The following NAV3 variants were observed in gnomAD, a reference collection of about 807,000 sequenced individuals.
The protein encoded by NAV3 is pore membrane and/or filament interacting like protein 1.
Under a neutral mutation model 244.7 loss-of-function variants are expected in NAV3, and 87 were observed. The observed-to-expected ratio is 0.36, with a 90% CI of 0.30 to 0.42. The LOEUF is 0.42. Ranked by LOEUF, NAV3 falls within the 20% of genes least tolerant of loss-of-function variation. The pLI, the probability that NAV3 is intolerant of heterozygous loss-of-function variation, is 1.00. For synonymous variants in NAV3, 1,126 were observed against 1,042.2 expected, an observed-to-expected ratio of 1.08 and a Z score of -1.55; for missense variants, 2,663 against 2,893.3, an observed-to-expected ratio of 0.92 and a Z score of 1.83.
intron 5 of NAV3, among the ~76,000 whole-genome samples, chr12:77,980,611 T>C (rs1001636101): frequency 2.0e-5 from 3 of 152,120 alleles, no homozygotes; most frequent in African/African-American, 7.2e-5. Flanking sequence ...AGTATTCAAG[T>C]TCCAATTTTT....
At chr12:78,019,812 C>T (rs993176474) in intron 8 of NAV3, among the ~76,000 whole-genome samples, 2 of 151,984 alleles carry the variant, frequency 1.3e-5, no homozygotes, top group Admixed American at 6.6e-5. Context: ...TTGTAAGTTC[C>T]GTAAAGTTTT....
chr12:77,819,924 T>C (rs1247562504), intron 2 of NAV3, among the ~76,000 whole-genome samples: 1 of 152,202 alleles, frequency 6.6e-6, no homozygotes, highest in African/African-American at 2.4e-5. Context: ...CTTCTGTTGC[T>C]GTCAGAAATC....
intron 2 of NAV3, among the ~76,000 whole-genome samples, chr12:77,687,327 A>G (rs1287453988): frequency 1.3e-5 from 2 of 150,762 alleles, no homozygotes; most frequent in Non-Finnish European, 3.0e-5. Context: ...TGGACACACT[A>G]TGTGTGCATG....
At chr12:77,876,525 T>C (rs1347148394) in intron 1 of NAV3, among the ~76,000 whole-genome samples, 1 of 152,158 alleles carries the variant, frequency 6.6e-6, no homozygotes, top group Non-Finnish European at 1.5e-5. Flanking sequence ...GCATTTAATT[T>C]AGTTGACAGG....
At chr12:77,780,879 G>C (rs1870630473) in intron 2 of NAV3, among the ~76,000 whole-genome samples, 1 of 152,140 alleles carries the variant, frequency 6.6e-6, no homozygotes, top group Non-Finnish European at 1.5e-5. Flanking sequence ...GAAGGTTTAA[G>C]GCTGTTTTGG....
At chr12:77,719,065 T>C (rs1482607196) in intron 2 of NAV3, among the ~76,000 whole-genome samples, 1 of 152,176 alleles carries the variant, frequency 6.6e-6, no homozygotes, top group African/African-American at 2.4e-5. Context: ...AAGTATTTTA[T>C]TCTTTTTGGT....
chr12:77,671,668 A>G (rs1445867800), intron 2 of NAV3, among the ~76,000 whole-genome samples: 3 of 152,182 alleles, frequency 2.0e-5, no homozygotes, highest in East Asian at 3.9e-4. Flanking sequence ...TGGGGAAAGG[A>G]CACCCTATTC....
chr12:77,661,572 T>C (rs769064960), intron 2 of NAV3, among the ~76,000 whole-genome samples: 41 of 152,136 alleles, frequency 2.7e-4, no homozygotes, highest in Non-Finnish European at 5.1e-4. Context: ...TAACCATTTG[T>C]TTCTTTGATG....
intron 2 of NAV3, among the ~76,000 whole-genome samples, chr12:77,794,926 G>A (rs1871340159): frequency 6.6e-6 from 1 of 152,060 alleles, no homozygotes; most frequent in Non-Finnish European, 1.5e-5. Context: ...CTCTCCCTGG[G>A]CCTTACTATT....
intron 5 of NAV3, among the ~76,000 whole-genome samples, chr12:77,988,532 G>A (rs1870929123): frequency 6.6e-6 from 1 of 152,004 alleles, no homozygotes; most frequent in African/African-American, 2.4e-5. Context: ...AAAATAAAAA[G>A]CAGCCCCTTG....
chr12:77,651,856 A>G (rs1348708184), intron 2 of NAV3, among the ~76,000 whole-genome samples: 1 of 152,172 alleles, frequency 6.6e-6, no homozygotes, highest in Admixed American at 6.5e-5. Flanking sequence ...TGTAGCAACA[A>G]CTGGTGTCCT....
chr12:77,648,828 A>G (rs909800089), intron 2 of NAV3, among the ~76,000 whole-genome samples: 1 of 152,094 alleles, frequency 6.6e-6, no homozygotes, highest in African/African-American at 2.4e-5. Context: ...CAGGGTGCCT[A>G]TTGAGTAAAT....
At chr12:77,888,511 G>A (rs1166601475) in intron 1 of NAV3, among the ~76,000 whole-genome samples, 1 of 152,140 alleles carries the variant, frequency 6.6e-6, no homozygotes, top group Non-Finnish European at 1.5e-5. Flanking sequence ...AATAATTTCT[G>A]CAGTGAGCTT....
In NAV3 at chr12:77,968,648, C is replaced by T. The variant is rs745350770; in HGVS notation, c.617C>T (p.Ala206Val). The T allele has an allele frequency of 6.2e-7, 1 of 1,614,094 alleles. No individual in the cohort carries two copies. The part of the protein sequence containing the change: ...LVELQQRVTH[A>V]SPPSEASQAK... The stretch of plus-strand genomic sequence containing the variant: ...GAACTTCAGCAGCGAGTTACTCACG[C>T]TTCCCCTCCATCGGAAGCCAGCCAG... Residue 206 changes from alanine (A) to valine (V), a missense_variant, in exon 5 of 40, where the codon GCT becomes GTT. Transcript: ENST00000397909.
At chr12:78,149,941 T>C (rs574586395) in intron 22 of NAV3, among the ~76,000 whole-genome samples, 1 of 152,168 alleles carries the variant, frequency 6.6e-6, no homozygotes, top group Non-Finnish European at 1.5e-5. Flanking sequence ...GTATTTGAAT[T>C]GATTTTATTT....
chr12:77,582,318 T>G (rs1869401882), intron 2 of NAV3, among the ~76,000 whole-genome samples: 1 of 152,218 alleles, frequency 6.6e-6, no homozygotes, highest in African/African-American at 2.4e-5. Context: ...TGGCATATAG[T>G]ATACTTTCTT....
intron 12 of NAV3, among the ~76,000 whole-genome samples, chr12:78,070,530 T>C (rs1289840723): frequency 2.0e-5 from 3 of 152,142 alleles, no homozygotes; most frequent in Admixed American, 6.6e-5. Flanking sequence ...TAGTGAAAAC[T>C]AATAGATATG....
chr12:77,916,720 G>A (rs886764643), intron 1 of NAV3, among the ~76,000 whole-genome samples: 2 of 151,986 alleles, frequency 1.3e-5, no homozygotes, highest in Non-Finnish European at 2.9e-5. Flanking sequence ...TGACTCAGAA[G>A]AGGTGCTGAT....
chr12:77,672,096 G>A (rs1208473087), intron 2 of NAV3, among the ~76,000 whole-genome samples: 1 of 152,022 alleles, frequency 6.6e-6, no homozygotes, highest in Non-Finnish European at 1.5e-5. Flanking sequence ...ATGGGCTAAG[G>A]ACATGAATAG....
Sources: gnomAD v4.1 joint callset for allele counts (sites outside exome capture counted in the v4.1 genomes callset) on GRCh38, gnomAD v4.1.1 for gene constraint, MANE v1.5 for transcripts, NCBI Gene and HGNC (gene_info 2026-07-23, HGNC 2026-07-21) for gene names.